FABP7: variants seen among roughly 807,000 people sequenced by gnomAD.
FABP7 encodes fatty acid-binding protein, brain.
In FABP7, 13 loss-of-function variants were observed where a neutral mutation model predicts 14.2. The ratio of observed to expected loss-of-function variants is 0.91; its 90% CI spans 0.59 to 1.45. The LOEUF is 1.45. Ranked by LOEUF, FABP7 falls within the 40% of genes most tolerant of loss-of-function variation. The pLI, the probability that FABP7 is intolerant of heterozygous loss-of-function variation, is 0.00. For missense variants in FABP7, 149 were observed against 157.6 expected (o/e 0.95, Z 0.29); for synonymous variants, 49 against 51.4 (o/e 0.95, Z 0.20).
At chr6:122,777,012 T>C (rs1356647557), upstream of FABP7, among the ~76,000 whole-genome samples, 1 of 152,176 alleles carries the variant, frequency 6.6e-6, no homozygotes, top group Non-Finnish European at 1.5e-5. Flanking sequence ...CGAATAAATA[T>C]GTCACCATCT....
chr6:122,751,801 G>A, the FABP7 span, among the ~76,000 whole-genome samples: 136 of 152,268 alleles, frequency 8.9e-4, no homozygotes, highest in Middle Eastern at 0.017. Flanking sequence ...AGGAAGGGAA[G>A]CCGGCAAAGG....
At chr6:122,767,583 T>A in the FABP7 span, among the ~76,000 whole-genome samples, 2 of 152,010 alleles carry the variant, frequency 1.3e-5, no homozygotes, top group African/African-American at 4.8e-5. Context: ...AAAAATCTAC[T>A]CCAGCAAGTT....
At chr6:122,778,634 A>T (rs1273342075), upstream of FABP7, among the ~76,000 whole-genome samples, 2 of 152,182 alleles carry the variant, frequency 1.3e-5, no homozygotes, top group Non-Finnish European at 2.9e-5. Context: ...CTTTGGGTGA[A>T]GGGGAATTTC....
At chr6:122,752,025 T>C in the FABP7 span, among the ~76,000 whole-genome samples, 1 of 152,084 alleles carries the variant, frequency 6.6e-6, no homozygotes, top group East Asian at 1.9e-4. Context: ...CCCAAATGCT[T>C]TGACTTCTGT....
chr6:122,750,414 TAATA>T, the FABP7 span, among the ~76,000 whole-genome samples: 8 of 152,204 alleles, frequency 5.3e-5, no homozygotes, highest in Non-Finnish European at 8.8e-5. Flanking sequence ...ACATTTTATG[TAATA>T]AATAATAGAT....
At chr6:122,782,055 A>T in intron 3 of FABP7, 1 of 985,398 alleles carries the variant, frequency 1.0e-6, no homozygotes, top group African/African-American at 1.7e-5. Context: ...CCCAGCCCCC[A>T]AAGAGAACCA....
chr6:122,753,872 G>A, the FABP7 span, among the ~76,000 whole-genome samples: 1 of 145,534 alleles, frequency 6.9e-6, no homozygotes, highest in Admixed American at 7.3e-5. Flanking sequence ...AGTCTGATTG[G>A]TTGCAGACAG....
At chr6:122,780,169 TA>T in intron 1 of FABP7, 121 bp from the exon 2 acceptor site, 1 of 1,065,994 alleles carries the variant, frequency 9.4e-7, no homozygotes, top group Non-Finnish European at 1.4e-6. Flanking sequence ...ATTAATGGGC[TA>T]ATCATGTTCT....
the FABP7 span, among the ~76,000 whole-genome samples, chr6:122,764,807 C>T: frequency 2.0e-5 from 3 of 152,094 alleles, no homozygotes; most frequent in Non-Finnish European, 4.4e-5. Flanking sequence ...TGCCATTGTT[C>T]AGAATCTAGA....
chr6:122,762,708 T>C, the FABP7 span, among the ~76,000 whole-genome samples: 1 of 152,170 alleles, frequency 6.6e-6, no homozygotes, highest in African/African-American at 2.4e-5. Flanking sequence ...GGATACAAAA[T>C]CAATGTGCAA....
chr6:122,771,146 A>T, the FABP7 span, among the ~76,000 whole-genome samples: 1 of 152,186 alleles, frequency 6.6e-6, no homozygotes, highest in Admixed American at 6.5e-5. Flanking sequence ...CAGGTGGCAA[A>T]GCAGGTTCCT....
At chr6:122,766,267 C>G in the FABP7 span, among the ~76,000 whole-genome samples, 4 of 152,038 alleles carry the variant, frequency 2.6e-5, no homozygotes, top group Non-Finnish European at 5.9e-5. Context: ...AGTATTTGTT[C>G]AAGATGACAG....
At chr6:122,779,970 C>A (rs1327869869) in intron 1 of FABP7, 103 bp downstream of exon 1, 9 of 1,094,256 alleles carry the variant, frequency 8.2e-6, no homozygotes, top group Non-Finnish European at 1.2e-5. Flanking sequence ...AAAGACAGAT[C>A]ACATTGCCCT....
chr6:122,777,217 C>T (rs1481973409), upstream of FABP7, among the ~76,000 whole-genome samples: 3 of 152,240 alleles, frequency 2.0e-5, no homozygotes, highest in East Asian at 1.9e-4. Context: ...CCACTTTAAA[C>T]GTGTTTTATT....
intron 2 of FABP7, 41 bp from the exon 3 acceptor site, chr6:122,781,052 T>G (rs1366588515): frequency 6.4e-7 from 1 of 1,561,318 alleles, no homozygotes; most frequent in Non-Finnish European, 8.7e-7. Flanking sequence ...AAATCTGAAT[T>G]GTATTTATTG....
At chr6:122,751,575 A>C in the FABP7 span, among the ~76,000 whole-genome samples, 1 of 152,230 alleles carries the variant, frequency 6.6e-6, no homozygotes, top group African/African-American at 2.4e-5. Context: ...TTGAGCACAT[A>C]AGAAACATTC....
At chr6:122,780,520 AT>A (rs767069367) in intron 2 of FABP7, 57 bp downstream of exon 2, 12 of 1,517,230 alleles carry the variant, frequency 7.9e-6, no homozygotes, top group Non-Finnish European at 1.1e-5. Context: ...AAAGATAAAG[AT>A]TTCCAATGCA....
chr6:122,780,167 G>T, intron 1 of FABP7, 124 bp from the exon 2 acceptor site: 1 of 1,037,732 alleles, frequency 9.6e-7, no homozygotes. Context: ...TGATTAATGG[G>T]CTAATCATGT....
At chr6:122,755,430 C>T in the FABP7 span, among the ~76,000 whole-genome samples, 1 of 149,500 alleles carries the variant, frequency 6.7e-6, no homozygotes, top group Non-Finnish European at 1.5e-5. Flanking sequence ...GAGAATTCAA[C>T]ATTTTCTACT....
Sources: allele counts gnomAD v4.1 joint callset (sites outside exome capture counted in the v4.1 genomes callset), GRCh38; gene constraint gnomAD v4.1.1; transcripts MANE v1.5; gene names NCBI Gene and HGNC (gene_info 2026-07-23, HGNC 2026-07-21).